The following AMBRA1 variants were observed in gnomAD, a reference collection of about 807,000 sequenced individuals.
AMBRA1 encodes activating molecule in BECN1-regulated autophagy protein 1.
AMBRA1 carries 47 observed loss-of-function variants against 125.4 expected under a neutral mutation model. The observed-to-expected ratio is 0.37, with a 90% CI of 0.30 to 0.48. The LOEUF (loss-of-function observed/expected upper bound fraction) is 0.48, where lower values mean the gene tolerates loss of function less well. AMBRA1 is among the 20% of genes least tolerant of loss of function. The probability of loss-of-function intolerance (pLI) is 0.99; values close to 1 mark genes in which losing one functional copy is unlikely to be tolerated. For synonymous variants in AMBRA1, 626 were observed against 655.5 expected (o/e 0.95, Z 0.69); for missense variants, 1,331 against 1,693.4 (o/e 0.79, Z 3.76).
In AMBRA1 at chr11:46,545,065, T is replaced by C. The variant is rs1952936642; in HGVS notation, c.551+539A>G. The stretch of plus-strand genomic sequence containing the variant: ...TTGCTTGGGCCCATGAGGTCAAGGC[T>C]GCAGTAACTTGGGCCCATGAGGTCA... On this transcript the variant is annotated intron_variant, in intron 5 of 17. Coordinates refer to ENST00000683756, the MANE Select transcript of AMBRA1 (RefSeq NM_001387011.1). 2.8e-5 allele frequency among the ~76,000 whole-genome samples: 4 copies of C among 144,418 alleles called. No homozygotes were observed. In the Admixed American group the frequency reaches 2.9e-4, roughly 10 times the overall value. The allele number at this position is 144,418 out of a possible 152,430, so 94.7% of individuals were successfully genotyped here. A position where few individuals can be genotyped will look rare whatever the true frequency, so the allele number is the denominator to read the frequency against.
intron 1 of AMBRA1, among the ~76,000 whole-genome samples, chr11:46,554,952 G>A (rs1466426199): frequency 1.3e-5 from 2 of 152,068 alleles, no homozygotes; most frequent in Admixed American, 6.5e-5. Context: ...GACAAATGCC[G>A]GTCAGGCATG....
intron 1 of AMBRA1, among the ~76,000 whole-genome samples, chr11:46,561,283 A>C (rs1337248810): frequency 4.6e-5 from 7 of 152,034 alleles, no homozygotes; most frequent in Non-Finnish European, 1.0e-4. Context: ...CGGAAGGCTG[A>C]GGCAGGAGAA....
At chr11:46,587,750 G>T (rs1321887149) in intron 1 of AMBRA1, among the ~76,000 whole-genome samples, 1 of 152,024 alleles carries the variant, frequency 6.6e-6, no homozygotes, top group African/African-American at 2.4e-5. Flanking sequence ...CTCCCCACTG[G>T]AATAAACTCC....
At chr11:46,500,757 A>AT (rs1212302267) in intron 9 of AMBRA1, among the ~76,000 whole-genome samples, 1 of 152,072 alleles carries the variant, frequency 6.6e-6, no homozygotes, top group Non-Finnish European at 1.5e-5. Context: ...CCCATCACCA[A>AT]TATCAATTCC....
At chr11:46,556,214 T>A (rs183646881) in intron 1 of AMBRA1, among the ~76,000 whole-genome samples, 55 of 152,298 alleles carry the variant, frequency 3.6e-4, no homozygotes, top group African/African-American at 1.3e-3. Flanking sequence ...AATAGGACTT[T>A]CCTACGGCCA....
intron 11 of AMBRA1, among the ~76,000 whole-genome samples, chr11:46,474,785 A>G (rs1380263309): frequency 2.0e-5 from 3 of 152,218 alleles, no homozygotes; most frequent in Non-Finnish European, 1.5e-5. Context: ...CCCTATGGCT[A>G]GCAGGTAAAG....
intron 5 of AMBRA1, among the ~76,000 whole-genome samples, chr11:46,545,172 G>GT (rs1952953099): frequency 1.1e-4 from 15 of 138,708 alleles, no homozygotes; most frequent in South Asian, 2.4e-4. Flanking sequence ...GGGGGGGGGG[G>GT]GGTGGTGGTG....
chr11:46,486,430 G>A (rs1950267410), intron 11 of AMBRA1, among the ~76,000 whole-genome samples: 1 of 152,186 alleles, frequency 6.6e-6, no homozygotes, highest in South Asian at 2.1e-4. Context: ...GCAATTTGTT[G>A]TATTAGACAG....
chr11:46,551,022 G>A (rs1457199587), intron 1 of AMBRA1, among the ~76,000 whole-genome samples: 3 of 148,722 alleles, frequency 2.0e-5, no homozygotes, highest in Non-Finnish European at 4.4e-5. Context: ...GCATGAACCC[G>A]AGAGGCAGAG....
At chr11:46,513,582 G>T (rs1346682778) in intron 7 of AMBRA1, among the ~76,000 whole-genome samples, 2 of 152,154 alleles carry the variant, frequency 1.3e-5, no homozygotes, top group African/African-American at 4.8e-5. Flanking sequence ...GTATCACTCT[G>T]TGGCACATAA....
chr11:46,535,780 C>T (rs1482931708), intron 7 of AMBRA1, among the ~76,000 whole-genome samples: 1 of 151,950 alleles, frequency 6.6e-6, no homozygotes, highest in Non-Finnish European at 1.5e-5. Context: ...GAATGGGGTA[C>T]CAAAAAGATA....
chr11:46,502,588 G>A (rs952084379), intron 9 of AMBRA1, among the ~76,000 whole-genome samples: 22 of 152,294 alleles, frequency 1.4e-4, no homozygotes, highest in Non-Finnish European at 2.8e-4. Flanking sequence ...CGGCTCAGAA[G>A]AGAGCAGGAA....
intron 1 of AMBRA1, among the ~76,000 whole-genome samples, chr11:46,567,694 G>A (rs372469642): frequency 6.6e-6 from 1 of 151,980 alleles, no homozygotes; most frequent in South Asian, 2.1e-4. Flanking sequence ...TTGCACTTCT[G>A]ATGACAAGAT....
chr11:46,429,551 G>A (rs1947349697), intron 14 of AMBRA1, among the ~76,000 whole-genome samples: 1 of 152,152 alleles, frequency 6.6e-6, no homozygotes, highest in Non-Finnish European at 1.5e-5. Flanking sequence ...TCCCTGCCCA[G>A]TTGCAGGCTT....
chr11:46,470,359 C>T (rs1000099820), intron 11 of AMBRA1, among the ~76,000 whole-genome samples: 5 of 152,030 alleles, frequency 3.3e-5, no homozygotes, highest in East Asian at 1.9e-4. Context: ...GAGTCCGAGA[C>T]GGGCGGATCA....
At chr11:46,484,420 T>C (rs1410673660) in intron 11 of AMBRA1, among the ~76,000 whole-genome samples, 1 of 152,186 alleles carries the variant, frequency 6.6e-6, no homozygotes, top group Non-Finnish European at 1.5e-5. Flanking sequence ...ACCTTCAAAA[T>C]GAGCAGTAAT....
intron 7 of AMBRA1, among the ~76,000 whole-genome samples, chr11:46,520,899 C>T (rs369043833): frequency 9.2e-5 from 14 of 152,144 alleles, no homozygotes; most frequent in African/African-American, 3.4e-4. Context: ...GCCACCGCGC[C>T]CGGCCCCTAT....
intron 11 of AMBRA1, among the ~76,000 whole-genome samples, chr11:46,445,854 G>C (rs370326350): frequency 6.6e-6 from 1 of 152,200 alleles, no homozygotes; most frequent in South Asian, 2.1e-4. Flanking sequence ...TGCTAAGAGA[G>C]GGTAGAAAAT....
chr11:46,564,357 G>T (rs1301604730), intron 1 of AMBRA1, among the ~76,000 whole-genome samples: 1 of 151,958 alleles, frequency 6.6e-6, no homozygotes, highest in Non-Finnish European at 1.5e-5. Context: ...CTACACACTT[G>T]GTAGTGCTAA....
Sources: gnomAD v4.1 joint callset for allele counts (sites outside exome capture counted in the v4.1 genomes callset) on GRCh38, gnomAD v4.1.1 for gene constraint, MANE v1.5 for transcripts, NCBI Gene and HGNC (gene_info 2026-07-23, HGNC 2026-07-21) for gene names.